ZNF318: variants seen among roughly 807,000 people sequenced by gnomAD.
The protein encoded by ZNF318 is endocrine regulator.
ZNF318 carries 51 observed loss-of-function variants against 124.2 expected under a neutral mutation model. The observed-to-expected ratio is 0.41, with a 90% CI of 0.33 to 0.52. ZNF318 has a LOEUF of 0.52. Ranked by LOEUF, ZNF318 falls within the 20% of genes least tolerant of loss-of-function variation. The probability of loss-of-function intolerance (pLI) is 0.23; values close to 1 mark genes in which losing one functional copy is unlikely to be tolerated. For missense variants in ZNF318, 2,815 were observed against 2,811.2 expected, an observed-to-expected ratio of 1.00 and a Z score of -0.03; for synonymous variants, 1,090 against 1,040.7, an observed-to-expected ratio of 1.05 and a Z score of -0.91.
chr6:43,357,324 C>T lies in ZNF318; in HGVS notation c.990G>A (p.Glu330=), dbSNP rs1425925982. 3.1e-6 allele frequency: 5 copies of T among 1,614,156 alleles called. No homozygotes were observed. The highest frequency in any genetic ancestry group is 1.3e-5 in the African/African-American group (1 of 75,050). The change falls in exon 3 of 10, where the codon GAG becomes GAA. Residue 330 remains glutamate, a synonymous_variant. Transcript: ENST00000361428. ...LARRKREEEE[E]RSRSLSQELV... ...GCTCCTGACTCAAGCTCCTACTTCG[C>T]TCCTCCTCTTCCTCTCGCTTTCGTC...
Position 43,342,036 on chromosome 6 carries a change from T to TG in ZNF318, c.3376+75_3376+76insC. 2.3e-6 allele frequency: 3 copies of TG among 1,303,022 alleles called. No individual in the cohort carries two copies. The South Asian group carries it at 3.6e-5, about 16-fold the overall frequency. The allele number at this position is 1,303,022 out of a possible 1,614,324, so 80.7% of individuals were successfully genotyped here. On this transcript the variant is annotated intron_variant, in intron 8 of 9. Transcript: ENST00000361428. ...GGCTGTCTCATGCTATGCTGCTTCC[T>TG]ACAATGTTAGTTCAGGGACACCTCT...
Position 43,342,733 on chromosome 6 carries a change from G to C in ZNF318, c.3219C>G (p.Thr1073=), listed in dbSNP as rs1562129481. ...AGNHWCKDCN[T]ICGTMFDFFT... is the part of the protein sequence containing the mutation. ...AGAAATCAAACATGGTCCCACAGAT[G>C]GTGTTGCAGTCTTTGCACCAGTGAT... The change falls in exon 7 of 10, where the codon ACC becomes ACG. Residue 1073 remains threonine (T), a synonymous_variant. Transcript: ENST00000361428. 1 of 1,614,174 alleles carries C rather than the reference G, an allele frequency of 6.2e-7. No homozygotes were observed. Among genetic ancestry groups the C allele is most frequent in the Admixed American group, 1.7e-5 (1 of 60,016 alleles).
chr6:43,339,209 C>T lies in ZNF318; in HGVS notation c.4789G>A (p.Ala1597Thr), dbSNP rs1317884177. The T allele has an allele frequency of 1.9e-6, 3 of 1,614,192 alleles. No homozygotes were observed. Among genetic ancestry groups the T allele is most frequent in the Non-Finnish European group, 1.7e-6 (2 of 1,180,034 alleles). The stretch of plus-strand genomic sequence containing the variant: ...GAGAGGTTGCTATTTTCCCCATTGG[C>T]CAATGGACCACCACTTAGCTTAGTC... ...PETKLSGGPL[A>T]NGENSNLSRT... Residue 1597 changes from alanine to threonine, a missense_variant, in exon 10 of 10, where the codon GCC (alanine) becomes ACC (threonine). Around this residue, in one of 4 missense-constraint regions of ZNF318, gnomAD observed 927 missense variants for 820.6 expected, o/e 1.13. Coordinates refer to ENST00000361428, the MANE Select transcript of ZNF318 (RefSeq NM_014345.3). This position sits in a 1 kb window ranked among gnomAD's most constrained non-coding sequence, Gnocchi z 4.2.
At position 43,339,269 on chromosome 6, in the gene ZNF318, C is replaced by T. The variant is rs761582339; in HGVS notation, c.4729G>A (p.Gly1577Arg). 1.2e-6 allele frequency: 2 copies of T among 1,614,066 alleles called. No individual in the cohort carries two copies. Among genetic ancestry groups the T allele is most frequent in the South Asian group, 2.2e-5 (2 of 91,094 alleles). Residue 1577 changes from glycine (G) to arginine (R), a missense_variant, in exon 10 of 10, where the codon GGA becomes AGA. By Grantham distance (125) the Gly-to-Arg change is moderately radical. Around this residue, in one of 4 missense-constraint regions of ZNF318, gnomAD observed 927 missense variants for 820.6 expected, o/e 1.13. Coordinates refer to ENST00000361428, the MANE Select transcript of ZNF318 (RefSeq NM_014345.3). This position sits in a 1 kb window ranked among gnomAD's most constrained non-coding sequence, Gnocchi z 4.2. ...CCCTTAGTCTCAGGGGCCCCCTTTC[C>T]ACCACTACTATAGAATATGTCATAC... ...DLYDIFYSSG[G>R]KGAPETKGAP...
At position 43,352,376 on chromosome 6, in the gene ZNF318, C is replaced by A. The variant is rs745637563; in HGVS notation, c.2770+1G>T. 1 of 1,612,802 alleles carries A rather than the reference C, an allele frequency of 6.2e-7. No individual in the cohort carries two copies. Among genetic ancestry groups the A allele is most frequent in the African/African-American group, 1.3e-5 (1 of 74,538 alleles). On this transcript the variant is annotated splice_donor_variant, in intron 5 of 9. Coordinates refer to ENST00000361428, the MANE Select transcript of ZNF318 (RefSeq NM_014345.3). LOFTEE classifies it high-confidence loss of function. Reference sequence around the variant, plus strand: ...AGGCAGTCATGCAAAGCAGCTGATACCTTGTTGTTTATGAAGCCGCTCTAA... The same window carrying A: ...AGGCAGTCATGCAAAGCAGCTGATAACTTGTTGTTTATGAAGCCGCTCTAA...
At chr6:43,359,295 G>A (rs1779650649) in intron 2 of ZNF318, among the ~76,000 whole-genome samples, 2 of 152,116 alleles carry the variant, frequency 1.3e-5, no homozygotes, top group Non-Finnish European at 2.9e-5. Context: ...AAATACAAAG[G>A]TCTCAGACCT....
chr6:43,352,566 T>C lies in ZNF318; in HGVS notation c.2671-90A>G, dbSNP rs917892812. 3.3e-6 allele frequency: 4 copies of C among 1,195,014 alleles called. No individual in the cohort carries two copies. In the Admixed American group the frequency reaches 7.6e-5, roughly 23 times the overall value. The allele number at this position is 1,195,014 out of a possible 1,614,324, so 74.0% of individuals were successfully genotyped here. ...CCAGAAGCCTTCTTCCTAGACATTA[T>C]CTGAATGTAAGGATCCAAATGCCTG... On this transcript the variant is annotated intron_variant, in intron 4 of 9. Transcript: ENST00000361428.
chr6:43,338,434 A>C lies in ZNF318; in HGVS notation c.5564T>G (p.Leu1855Trp). ...TGTGAAAGAGCAAGCCTGTGGACTC[A>C]ATTTGATCACTACTTTACTTGGAGT... ...SETPSKVVIK[L>W]SPQACSFTKA... The change falls in exon 10 of 10, where the codon TTG becomes TGG. Residue 1855 changes from leucine (L) to tryptophan (W), a missense_variant. Around this residue, in one of 4 missense-constraint regions of ZNF318, gnomAD observed 927 missense variants for 820.6 expected, o/e 1.13. Transcript: ENST00000361428. 1.2e-6 allele frequency: 2 copies of C among 1,614,228 alleles called. No homozygotes were observed. Among genetic ancestry groups the C allele is most frequent in the South Asian group, 1.1e-5 (1 of 91,084 alleles).
In ZNF318 at chr6:43,357,399, G is replaced by A. The variant is rs1450697751; in HGVS notation, c.915C>T (p.Ser305=). The change falls in exon 3 of 10, where the codon AGC becomes AGT. Residue 305 remains serine (S), a synonymous_variant. Transcript: ENST00000361428. ...CAGGGTCGAGAAACCTAGGACTTGGGCTTCTTCTACGCTGTCGATAGTTGC... is the reference window on the plus strand; with the variant it reads ...CAGGGTCGAGAAACCTAGGACTTGGACTTCTTCTACGCTGTCGATAGTTGC... The part of the protein sequence containing the change: ...GTRNYRQRRR[S]PSPRFLDPEF... The A allele has an allele frequency of 6.2e-7, 1 of 1,614,154 alleles. No homozygotes were observed. Among genetic ancestry groups the A allele is most frequent in the African/African-American group, 1.3e-5 (1 of 75,034 alleles).
intron 2 of ZNF318, among the ~76,000 whole-genome samples, chr6:43,358,959 C>A (rs1454273388): frequency 6.6e-6 from 1 of 152,170 alleles, no homozygotes; most frequent in South Asian, 2.1e-4. Context: ...GGGCTCTTGA[C>A]CTTCTATCCC....
chr6:43,346,792 T>C (rs532827441), intron 6 of ZNF318, among the ~76,000 whole-genome samples: 1 of 152,262 alleles, frequency 6.6e-6, no homozygotes, highest in Admixed American at 6.5e-5. Context: ...ATACCAGATA[T>C]TGCACATCCG....
chr6:43,363,140 AGTT>A (rs1779706786), intron 2 of ZNF318, among the ~76,000 whole-genome samples: 1 of 152,254 alleles, frequency 6.6e-6, no homozygotes, highest in Non-Finnish European at 1.5e-5. Flanking sequence ...AAATATAATT[AGTT>A]CTATCTGAAG....
Position 43,355,101 on chromosome 6 carries a change from C to T in ZNF318, c.2233G>A (p.Ala745Thr). ...SVAVRCMLPS[A>T]PSAPIRLPHT... ...GGAAGTCTAATTGGGGCAGATGGGG[C>T]TGATGGCAACATGCACCTGACTGCA... Residue 745 changes from alanine to threonine, a missense_variant, in exon 4 of 10, where the codon GCC (alanine) becomes ACC (threonine). By Grantham distance (58) the Ala-to-Thr change is moderately conservative (BLOSUM62 0). Around this residue, in one of 4 missense-constraint regions of ZNF318, gnomAD observed 1,377 missense variants for 1,353.5 expected, o/e 1.02. Coordinates refer to ENST00000361428, the MANE Select transcript of ZNF318 (RefSeq NM_014345.3). The T allele has an allele frequency of 6.8e-6, 11 of 1,614,182 alleles. No homozygotes were observed. Among genetic ancestry groups the T allele is most frequent in the Non-Finnish European group, 9.3e-6 (11 of 1,180,034 alleles).
intron 1 of ZNF318, among the ~76,000 whole-genome samples, chr6:43,368,231 G>C (rs1238903655): frequency 6.6e-6 from 1 of 152,194 alleles, no homozygotes; most frequent in Non-Finnish European, 1.5e-5. Flanking sequence ...GCGGATCTGA[G>C]TTGAAGCACA....
chr6:43,363,909 G>A, intron 2 of ZNF318: 1 of 682,464 alleles, frequency 1.5e-6, no homozygotes, highest in Non-Finnish European at 2.6e-6. Flanking sequence ...TTCTCCCTGT[G>A]CACAGAGGCT....
At chr6:43,366,914 C>T (rs569967341) in intron 1 of ZNF318, among the ~76,000 whole-genome samples, 109 of 152,180 alleles carry the variant, frequency 7.2e-4, no homozygotes, top group Admixed American at 2.6e-3. Flanking sequence ...TGCAGTGGCA[C>T]GATCTCGGCT....
chr6:43,339,256 G>A lies in ZNF318; in HGVS notation c.4742C>T (p.Pro1581Leu). ...IFYSSGGKGA[P>L]ETKGAPETKL... ...AGTCTCAGGGGCCCCCTTAGTCTCA[G>A]GGGCCCCCTTTCCACCACTACTATA... Residue 1581 changes from proline (P) to leucine (L), a missense_variant, in exon 10 of 10, where the codon CCT (proline) becomes CTT (leucine). Around this residue, in one of 4 missense-constraint regions of ZNF318, gnomAD observed 927 missense variants for 820.6 expected, o/e 1.13. Transcript: ENST00000361428. This position sits in a 1 kb window ranked among gnomAD's most constrained non-coding sequence, Gnocchi z 4.2. 3 of 1,612,646 alleles carry A rather than the reference G, an allele frequency of 1.9e-6. No homozygotes were observed. Among genetic ancestry groups the A allele is most frequent in the Non-Finnish European group, 1.7e-6 (2 of 1,179,214 alleles).
chr6:43,337,409 G>A lies in ZNF318; in HGVS notation c.6589C>T (p.Pro2197Ser). Reference sequence around the variant, plus strand: ...AACTCCAGGGAACTACATTTAGAAGGGTCACCTGGCTCAGAGAGTGGAGAA... The same window carrying A: ...AACTCCAGGGAACTACATTTAGAAGAGTCACCTGGCTCAGAGAGTGGAGAA... ...LCSPLSEPGD[P>S]SKCSSLELGP... Residue 2197 changes from proline (P) to serine (S), a missense_variant, in exon 10 of 10, where the codon CCT (proline) becomes TCT (serine). Transcript: ENST00000361428. 1 of 1,614,134 alleles carries A rather than the reference G, an allele frequency of 6.2e-7. No homozygotes were observed. Among genetic ancestry groups the A allele is most frequent in the Non-Finnish European group, 8.5e-7 (1 of 1,180,014 alleles).
Position 43,354,898 on chromosome 6 carries a change from G to A in ZNF318, c.2436C>T (p.Asn812=), listed in dbSNP as rs1303537725. ...WPMYPTSQPS[N]HPVPEPHRIM... Reference sequence around the variant, plus strand: ...TCCTGTGTGGTTCAGGTACAGGGTGGTTTGACGGTTGAGAGGTGGGATACA... The same window carrying A: ...TCCTGTGTGGTTCAGGTACAGGGTGATTTGACGGTTGAGAGGTGGGATACA... Residue 812 remains asparagine (N), a synonymous_variant, in exon 4 of 10, where the codon AAC becomes AAT. Transcript: ENST00000361428. 1 of 1,613,362 alleles carries A rather than the reference G, an allele frequency of 6.2e-7. No homozygotes were observed. Among genetic ancestry groups the A allele is most frequent in the South Asian group, 1.1e-5 (1 of 91,046 alleles).
Sources: allele counts gnomAD v4.1 joint callset (sites outside exome capture counted in the v4.1 genomes callset), GRCh38; gene constraint gnomAD v4.1.1; regional missense constraint gnomAD v4.1.1; non-coding constraint Gnocchi (gnomAD v3.1); transcripts MANE v1.5; gene names NCBI Gene and HGNC (gene_info 2026-07-23, HGNC 2026-07-21).